Variants in KANK2 observed in about 807,000 individuals in gnomAD.
KANK2 encodes the protein KN motif and ankyrin repeat domain-containing protein 2.
In KANK2, 41 loss-of-function variants were observed where a neutral mutation model predicts 74.6. That is an observed-to-expected ratio of 0.55 (90% CI 0.43 to 0.71). The LOEUF is 0.71. Ranked by LOEUF, KANK2 falls within the 30% of genes least tolerant of loss-of-function variation. KANK2 has a pLI of 0.00. For missense variants in KANK2, 1,148 were observed against 1,196.4 expected (o/e 0.96, Z 0.60); for synonymous variants, 537 against 519.0 (o/e 1.03, Z -0.47).
At position 11,194,999 on chromosome 19, in the gene KANK2, C is replaced by G. The variant is rs2078976221; in HGVS notation, c.-79-409G>C. 2.5e-5 allele frequency: 4 copies of G among 159,234 alleles called. No individual in the cohort carries two copies. The South Asian group carries it at 5.4e-4, about 21-fold the overall frequency. 9.9% of individuals were successfully genotyped at this position (159,234 alleles called of 1,614,324 possible). On this transcript the variant is annotated intron_variant, in intron 2 of 12. Coordinates refer to ENST00000586659, the MANE Select transcript of KANK2 (RefSeq NM_001136191.3). ...AAGGGGTTGGGGAAGAAGGGAACCTCGTCTTCCTGCAAGGATCTGAGGAGA... is the reference window on the plus strand; with the variant it reads ...AAGGGGTTGGGGAAGAAGGGAACCTGGTCTTCCTGCAAGGATCTGAGGAGA...
At position 11,182,979 on chromosome 19, in the gene KANK2, G is replaced by A. The variant is rs192098984; in HGVS notation, c.1250-4259C>T. Among the ~76,000 whole-genome samples the A allele has an allele frequency of 7.2e-5, 11 of 152,022 alleles. No homozygotes were observed. In the East Asian group the frequency reaches 1.4e-3, roughly 19 times the overall value. ...TTCCAGTCTAAGGAATTGAAGGTTAGACTTGGAATGCTAGCATAACAAGAA... is the reference window on the plus strand; with the variant it reads ...TTCCAGTCTAAGGAATTGAAGGTTAAACTTGGAATGCTAGCATAACAAGAA... On this transcript the variant is annotated intron_variant, in intron 4 of 12. Transcript: ENST00000586659.
chr19:11,166,658 C>T, intron 12 of KANK2, 47 bp from the exon 13 acceptor site: 4 of 1,591,646 alleles, frequency 2.5e-6, no homozygotes, highest in Non-Finnish European at 2.6e-6. Context: ...CCTTTCCAAT[C>T]CCCCGAGGCG....
rs1488672313 is a variant in KANK2, at chr19:11,195,770, T to C, written c.-228A>G. ...GTCCTTCTGCGTCTCTCTCCGTGTCTCTCTCCCTGTCTTTCCACGTCTCTG... is the reference window on the plus strand; with the variant it reads ...GTCCTTCTGCGTCTCTCTCCGTGTCCCTCTCCCTGTCTTTCCACGTCTCTG... On this transcript the variant is annotated 5_prime_UTR_variant, in exon 2 of 13. Coordinates refer to ENST00000586659, the MANE Select transcript of KANK2 (RefSeq NM_001136191.3). 1.3e-5 allele frequency: 2 copies of C among 152,370 alleles called. No homozygotes were observed. Among genetic ancestry groups the C allele is most frequent in the Non-Finnish European group, 2.9e-5 (2 of 68,154 alleles). The allele number at this position is 152,370 out of a possible 1,614,324, so 9.4% of individuals were successfully genotyped here.
In KANK2 at chr19:11,164,738, C is replaced by A. The variant is rs201162035; in HGVS notation, c.*1820G>T. ...TCCATCCATCCATCCATCCATCCATCCATCCATCCATCCATCCATCCTGCT... is the reference window on the plus strand; with the variant it reads ...TCCATCCATCCATCCATCCATCCATACATCCATCCATCCATCCATCCTGCT... On this transcript the variant is annotated 3_prime_UTR_variant, in exon 13 of 13. Transcript: ENST00000586659. 1 of 82,670 alleles carries A rather than the reference C, an allele frequency of 1.2e-5. No homozygotes were observed. Among genetic ancestry groups the A allele is most frequent in the Non-Finnish European group, 3.3e-5 (1 of 30,250 alleles). 5.1% of individuals were successfully genotyped at this position (82,670 alleles called of 1,614,324 possible).
intron 4 of KANK2, among the ~76,000 whole-genome samples, chr19:11,191,488 C>G (rs117732542): frequency 0.011 from 1,611 of 152,376 alleles, 13 homozygotes; most frequent in Middle Eastern, 0.024. Flanking sequence ...CCCTCAAAGG[C>G]CACAGGGCTT....
At chr19:11,183,295 T>G (rs546496828) in intron 4 of KANK2, among the ~76,000 whole-genome samples, 4 of 152,312 alleles carry the variant, frequency 2.6e-5, no homozygotes, top group Admixed American at 1.3e-4. Context: ...CCCAAGCCAG[T>G]GGGAGACGGT....
intron 4 of KANK2, 112 bp from the exon 5 acceptor site, chr19:11,178,832 AC>A: frequency 1.0e-6 from 1 of 959,136 alleles, no homozygotes; most frequent in Non-Finnish European, 1.5e-6. Flanking sequence ...TTTTTGTGTT[AC>A]CACATCCAGT....
chr19:11,171,366 G>C (rs996869357), intron 10 of KANK2, among the ~76,000 whole-genome samples: 2 of 152,026 alleles, frequency 1.3e-5, no homozygotes, highest in African/African-American at 4.8e-5. Flanking sequence ...AGGACTGTTT[G>C]AGCATGGGAG....
rs752993914 is a variant in KANK2 at position 11,193,729 on chromosome 19, G to T, written c.351C>A (p.Arg117=). ...GCTCCACCCGCGGATTGAAGCCACC[G>T]CGGGTCTCCAGAGCACCATACTGAG... ...FYPQYGALET[R]GGFNPRVERT... is the part of the protein sequence containing the mutation. Residue 117 remains arginine (R), a synonymous_variant, in exon 4 of 13, where the codon CGC becomes CGA. Transcript: ENST00000586659. The surrounding 1 kb of genome is among the most constrained non-coding windows in gnomAD (Gnocchi z 9.6). 2 of 1,612,382 alleles carry T rather than the reference G, an allele frequency of 1.2e-6. No individual in the cohort carries two copies. The highest frequency in any genetic ancestry group is 1.7e-6 in the Non-Finnish European group (2 of 1,179,652).
intron 4 of KANK2, among the ~76,000 whole-genome samples, chr19:11,188,067 T>C (rs1224995146): frequency 2.6e-5 from 4 of 152,028 alleles, no homozygotes; most frequent in South Asian, 4.1e-4. Context: ...ACCCTTAGCA[T>C]TGAAGGTTGA....
chr19:11,190,036 G>T (rs1238496873), intron 4 of KANK2, among the ~76,000 whole-genome samples: 4 of 152,202 alleles, frequency 2.6e-5, no homozygotes, highest in Non-Finnish European at 5.9e-5. Flanking sequence ...TGTTGGTAGG[G>T]GCTCTGGCCA....
chr19:11,186,344 C>T (rs577969764), intron 4 of KANK2, among the ~76,000 whole-genome samples: 10 of 149,796 alleles, frequency 6.7e-5, no homozygotes, highest in South Asian at 4.3e-4. Flanking sequence ...GCCAAGATCG[C>T]GCCACCGCAC....
At chr19:11,194,223 C>T (rs555448400) in intron 3 of KANK2, among the ~76,000 whole-genome samples, 181 bp from the exon 4 acceptor site, 1 of 152,076 alleles carries the variant, frequency 6.6e-6, no homozygotes, top group South Asian at 2.1e-4. Context: ...AGACTCCCGG[C>T]GCTAGGCTAT....
chr19:11,182,699 A>G (rs2078561990), intron 4 of KANK2, among the ~76,000 whole-genome samples: 1 of 150,784 alleles, frequency 6.6e-6, no homozygotes, highest in Admixed American at 6.6e-5. Context: ...AAAAATTAGG[A>G]AGGCATGGTG....
At chr19:11,177,871 C>T (rs975896697) in intron 6 of KANK2, among the ~76,000 whole-genome samples, 1 of 152,134 alleles carries the variant, frequency 6.6e-6, no homozygotes, top group African/African-American at 2.4e-5. Context: ...CCAGAAGAGC[C>T]CTCCCCACAC....
intron 4 of KANK2, among the ~76,000 whole-genome samples, chr19:11,186,531 C>A (rs928168565): frequency 6.6e-5 from 10 of 152,000 alleles, no homozygotes; most frequent in African/African-American, 2.2e-4. Context: ...AACCCCGTCT[C>A]TGCTAAAACT....
chr19:11,191,224 A>G (rs1345259650), intron 4 of KANK2, among the ~76,000 whole-genome samples: 1 of 151,750 alleles, frequency 6.6e-6, no homozygotes, highest in Non-Finnish European at 1.5e-5. Flanking sequence ...TATTTTTAAT[A>G]GAGATGGGGT....
intron 8 of KANK2, 151 bp from the exon 9 acceptor site, chr19:11,174,843 A>G (rs2078287787): frequency 1.5e-6 from 1 of 652,920 alleles, no homozygotes; most frequent in Non-Finnish European, 2.7e-6. Flanking sequence ...AGGGAAGTGT[A>G]GACATCTCTG....
intron 4 of KANK2, among the ~76,000 whole-genome samples, chr19:11,186,410 GA>G (rs996135537): frequency 6.1e-5 from 9 of 147,122 alleles, no homozygotes; most frequent in African/African-American, 2.4e-4. Context: ...AAGAAAGAAA[GA>G]AGAGGCCAGG....
Sources: allele counts gnomAD v4.1 joint callset (sites outside exome capture counted in the v4.1 genomes callset), GRCh38; gene constraint gnomAD v4.1.1; non-coding constraint Gnocchi (gnomAD v3.1); transcripts MANE v1.5; gene names NCBI Gene and HGNC (gene_info 2026-07-23, HGNC 2026-07-21).